FILIP1L: variants seen among roughly 807,000 people sequenced by gnomAD.
The protein encoded by FILIP1L is filamin A interacting protein 1 like.
A neutral mutation model predicts 96.6 loss-of-function variants in FILIP1L; 55 were observed. That is an observed-to-expected ratio of 0.57 (90% CI 0.46 to 0.71). FILIP1L has a LOEUF of 0.71. Ranked by LOEUF, FILIP1L falls within the 30% of genes least tolerant of loss-of-function variation. The pLI is 0.00. For missense variants in FILIP1L, 1,304 were observed against 1,321.2 expected (o/e 0.99, Z 0.20); for synonymous variants, 467 against 473.9 (o/e 0.99, Z 0.19).
intron 3 of FILIP1L, chr3:99,926,052 T>C (rs1335006793): frequency 1.7e-5 from 3 of 180,826 alleles, no homozygotes; most frequent in Non-Finnish European, 3.2e-5. Flanking sequence ...TGTTGATTGA[T>C]TTTTACAGTT....
At chr3:100,101,307 G>A (rs1481787248) in intron 1 of FILIP1L, among the ~76,000 whole-genome samples, 4 of 152,170 alleles carry the variant, frequency 2.6e-5, no homozygotes, top group Non-Finnish European at 4.4e-5. Context: ...GAGAGGGAGT[G>A]CATTGACTTC....
At chr3:99,840,037 G>A (rs1407057442) in intron 5 of FILIP1L, among the ~76,000 whole-genome samples, 1 of 152,042 alleles carries the variant, frequency 6.6e-6, no homozygotes, top group Non-Finnish European at 1.5e-5. Context: ...ACAGTTGGGG[G>A]ATGCTACATG....
At chr3:100,109,910 C>CCCA (rs2066461365) in intron 1 of FILIP1L, 1 of 122,056 alleles carries the variant, frequency 8.2e-6, no homozygotes, top group African/African-American at 3.0e-5. Flanking sequence ...ATGACCCCCC[C>CCCA]CCCCCAGCAC....
intron 5 of FILIP1L, among the ~76,000 whole-genome samples, chr3:99,843,525 G>C (rs1363667753): frequency 6.6e-6 from 1 of 152,208 alleles, no homozygotes; most frequent in African/African-American, 2.4e-5. Context: ...TGTCAATACA[G>C]ATGCTTTTTG....
At chr3:100,056,092 C>T (rs533841650) in intron 1 of FILIP1L, among the ~76,000 whole-genome samples, 2 of 152,196 alleles carry the variant, frequency 1.3e-5, no homozygotes, top group East Asian at 3.9e-4. Context: ...CTATGGTATA[C>T]CAAGGTCTTA....
intron 5 of FILIP1L, 62 bp from the exon 6 acceptor site, chr3:99,830,667 G>A (rs954095583): frequency 4.5e-6 from 2 of 445,538 alleles, no homozygotes; most frequent in African/African-American, 2.0e-5. Flanking sequence ...AGTAGAAATT[G>A]TTTAGGACAT....
chr3:100,049,850 C>T (rs2065339961), intron 1 of FILIP1L, among the ~76,000 whole-genome samples: 1 of 152,036 alleles, frequency 6.6e-6, no homozygotes, highest in Non-Finnish European at 1.5e-5. Flanking sequence ...TGTTAATTGA[C>T]TTTTTATTTT....
At chr3:99,892,945 G>A (rs953717650) in intron 4 of FILIP1L, among the ~76,000 whole-genome samples, 1 of 152,166 alleles carries the variant, frequency 6.6e-6, no homozygotes, top group African/African-American at 2.4e-5. Context: ...CAAAGAAGAT[G>A]AGGCCCCTGT....
intron 4 of FILIP1L, among the ~76,000 whole-genome samples, chr3:99,859,028 A>G (rs932027434): frequency 6.6e-6 from 1 of 152,232 alleles, no homozygotes; most frequent in Non-Finnish European, 1.5e-5. Context: ...CTCTGCCTTC[A>G]AATGTTCTCT....
intron 1 of FILIP1L, among the ~76,000 whole-genome samples, chr3:100,105,718 A>T: frequency 6.6e-6 from 1 of 152,190 alleles, no homozygotes. Context: ...AAGCTGATGC[A>T]ATCCCAGGAG....
chr3:99,961,857 A>G (rs1708502601), intron 1 of FILIP1L, among the ~76,000 whole-genome samples: 1 of 152,206 alleles, frequency 6.6e-6, no homozygotes, highest in Admixed American at 6.5e-5. Flanking sequence ...GTACATTTGT[A>G]GAGCACAAAC....
chr3:99,935,811 A>G (rs1326045570), intron 1 of FILIP1L, among the ~76,000 whole-genome samples: 1 of 152,140 alleles, frequency 6.6e-6, no homozygotes. Flanking sequence ...AGTCAGTTTT[A>G]CTTGGGCTTA....
chr3:99,876,079 G>A (rs1705498325), intron 4 of FILIP1L: 8 of 986,320 alleles, frequency 8.1e-6, no homozygotes, highest in Non-Finnish European at 9.6e-6. Context: ...TACCTGAACT[G>A]CCTGCGCCGG....
In FILIP1L at chr3:99,931,009, T is replaced by A. The variant is rs773815086; in HGVS notation, c.12A>T (p.Arg4Ser). Residue 4 changes from arginine (R) to serine (S), a missense_variant, in exon 2 of 6, where the codon AGA becomes AGT. Physicochemically the swap from Arg to Ser is moderately radical, Grantham distance 110. Transcript: ENST00000477258. MRS[R>S]GSDTEGSAQK... Reference sequence around the variant, plus strand: ...GGGCTGAGCCCTCGGTATCACTGCCTCTGGAACGCATTCTTTAAAGCCTGG... The same window carrying A: ...GGGCTGAGCCCTCGGTATCACTGCCACTGGAACGCATTCTTTAAAGCCTGG... 46 of 1,613,528 alleles carry A rather than the reference T, an allele frequency of 2.9e-5. No homozygotes were observed. The African/African-American group carries it at 5.1e-4, about 18-fold the overall frequency.
At chr3:100,027,948 T>C (rs1341349466) in intron 1 of FILIP1L, among the ~76,000 whole-genome samples, 2 of 151,874 alleles carry the variant, frequency 1.3e-5, no homozygotes, top group Admixed American at 1.3e-4. Context: ...TTGCAGACCA[T>C]GGTAAGGAGT....
At chr3:99,924,528 GT>G in intron 3 of FILIP1L, 120 bp from the exon 4 acceptor site, 2 of 1,060,562 alleles carry the variant, frequency 1.9e-6, no homozygotes, top group Non-Finnish European at 2.8e-6. Flanking sequence ...TTTTTTGTTT[GT>G]TTGTTTTGAA....
In FILIP1L at chr3:99,849,703, G is replaced by A; in HGVS notation, c.1973C>T (p.Thr658Ile). The A allele has an allele frequency of 6.2e-7, 1 of 1,613,690 alleles. No individual in the cohort carries two copies. The highest frequency in any genetic ancestry group is 1.1e-5 in the South Asian group (1 of 91,022). ...TTCATTAGCATACCTTCGTTCTAGA[G>A]TCTCATATTCATCTTCTGTTTTCAT... Reference protein sequence around the residue: ...DLMKTEDEYETLERRYANERD... With the variant: ...DLMKTEDEYEILERRYANERD... Residue 658 changes from threonine to isoleucine, a missense_variant, in exon 5 of 6, where the codon ACT becomes ATT. By Grantham distance (89) the Thr-to-Ile change is moderately conservative (BLOSUM62 -1). Transcript: ENST00000477258.
At chr3:99,990,550 A>G (rs1709481607) in intron 1 of FILIP1L, among the ~76,000 whole-genome samples, 2 of 152,194 alleles carry the variant, frequency 1.3e-5, no homozygotes, top group Admixed American at 1.3e-4. Flanking sequence ...GGTGGTTTTC[A>G]GTCATGGCCA....
intron 4 of FILIP1L, among the ~76,000 whole-genome samples, chr3:99,906,904 G>A (rs1706635511): frequency 6.6e-6 from 1 of 152,216 alleles, no homozygotes; most frequent in East Asian, 1.9e-4. Flanking sequence ...ATATGGTAGA[G>A]TTTCAGTATT....
Sources: allele counts gnomAD v4.1 joint callset (sites outside exome capture counted in the v4.1 genomes callset), GRCh38; gene constraint gnomAD v4.1.1; transcripts MANE v1.5; gene names NCBI Gene and HGNC (gene_info 2026-07-23, HGNC 2026-07-21).